The following FOXP2 variants were observed in gnomAD, a reference collection of about 807,000 sequenced individuals.
FOXP2 encodes forkhead box protein P2.
In FOXP2, 12 loss-of-function variants were observed where a neutral mutation model predicts 115.8. The ratio of observed to expected loss-of-function variants is 0.10; its 90% confidence interval spans 0.07 to 0.17. FOXP2 has a LOEUF of 0.17. FOXP2 is among the 10% of genes least tolerant of loss of function. The probability of loss-of-function intolerance (pLI) is 1.00; values close to 1 mark genes in which losing one functional copy is unlikely to be tolerated. For synonymous variants in FOXP2, 328 were observed against 297.7 expected (o/e 1.10, Z -1.05); for missense variants, 629 against 843.5 (o/e 0.75, Z 3.15).
intron 3 of FOXP2, among the ~76,000 whole-genome samples, chr7:114,591,741 C>A (rs1208952950): frequency 1.3e-5 from 2 of 152,068 alleles, no homozygotes; most frequent in African/African-American, 2.4e-5. Context: ...CAGGGTTACA[C>A]CTTGTTTGCT....
At chr7:114,405,545 C>T (rs1324571729) in intron 2 of FOXP2, among the ~76,000 whole-genome samples, 1 of 151,678 alleles carries the variant, frequency 6.6e-6, no homozygotes. Context: ...GGCTAGTAGG[C>T]AAGTAAAAGG....
chr7:114,255,685 A>G (rs6972132), intron 1 of FOXP2, among the ~76,000 whole-genome samples: 11,396 of 152,176 alleles, frequency 0.075, 1,029 homozygotes, highest in African/African-American at 0.21. Flanking sequence ...TCCAGGTGCC[A>G]TCTGTCACAG....
At chr7:114,640,550 G>T (rs1358038810) in intron 6 of FOXP2, among the ~76,000 whole-genome samples, 1 of 152,128 alleles carries the variant, frequency 6.6e-6, no homozygotes, top group Admixed American at 6.6e-5. Flanking sequence ...TTGGCTACTG[G>T]CCAATACTTA....
intron 3 of FOXP2, among the ~76,000 whole-genome samples, chr7:114,537,742 T>G (rs1320230908): frequency 2.6e-5 from 4 of 151,726 alleles, no homozygotes; most frequent in Non-Finnish European, 4.4e-5. Flanking sequence ...GATTTCACTT[T>G]CATGTATAGA....
chr7:114,317,126 T>C (rs6971601), intron 2 of FOXP2, among the ~76,000 whole-genome samples: 6,889 of 152,240 alleles, frequency 0.045, 470 homozygotes, highest in African/African-American at 0.15. Context: ...GTTGTTTTGT[T>C]ACTCCCTCCA....
intron 6 of FOXP2, among the ~76,000 whole-genome samples, chr7:114,637,349 G>A (rs967327635): frequency 5.9e-5 from 9 of 152,100 alleles, no homozygotes; most frequent in African/African-American, 1.2e-4. Context: ...TTGTGGCCAC[G>A]GAATTTTAAA....
chr7:114,663,653 A>G (rs1807008208), intron 15 of FOXP2, 134 bp downstream of exon 15: 1 of 720,058 alleles, frequency 1.4e-6, no homozygotes, highest in Non-Finnish European at 2.4e-6. Context: ...AGTACCTAGT[A>G]CTATAGACAG....
rs1463754793 is a variant in FOXP2, at chr7:114,438,787, GC to G, written c.168+12111del. Among the ~76,000 whole-genome samples the G allele has an allele frequency of 3.9e-5, 6 of 152,036 alleles. No homozygotes were observed. In the East Asian group the frequency reaches 9.6e-4, roughly 24 times the overall value. On this transcript the variant is annotated intron_variant, in intron 2 of 16. Transcript: ENST00000350908. ...TCCATAGTTAATCCATATTCCTAAT[GC>G]CCTTCTATTTTGATTTCAGATGCCC... is the stretch of plus-strand genomic sequence containing the variant.
chr7:114,099,576 C>G (rs542819239), intron 1 of FOXP2, among the ~76,000 whole-genome samples: 20 of 152,280 alleles, frequency 1.3e-4, no homozygotes, highest in Non-Finnish European at 1.2e-4. Flanking sequence ...CTCACATGCT[C>G]ATTACAGTAT....
At chr7:114,234,361 A>G (rs1353574255) in intron 1 of FOXP2, among the ~76,000 whole-genome samples, 1 of 152,212 alleles carries the variant, frequency 6.6e-6, no homozygotes, top group African/African-American at 2.4e-5. Flanking sequence ...GTGATCAAGA[A>G]TGTGACTTTC....
intron 2 of FOXP2, among the ~76,000 whole-genome samples, chr7:114,324,002 A>G (rs113986812): frequency 2.0e-5 from 3 of 151,958 alleles, no homozygotes; most frequent in Non-Finnish European, 3.0e-5. Context: ...TTTGGAACTA[A>G]GATTCTTTCT....
intron 2 of FOXP2, among the ~76,000 whole-genome samples, chr7:114,382,111 C>T (rs1396946165): frequency 6.6e-6 from 1 of 152,168 alleles, no homozygotes; most frequent in Non-Finnish European, 1.5e-5. Context: ...TAAAGTTCCC[C>T]AGTCACAACT....
chr7:114,274,584 G>T (rs1171881948), intron 1 of FOXP2, among the ~76,000 whole-genome samples: 1 of 111,474 alleles, frequency 9.0e-6, no homozygotes, highest in African/African-American at 3.1e-5. Flanking sequence ...ATTCTGGATT[G>T]GTTTTTTCCC....
chr7:114,207,229 GT>G (rs926985376), intron 1 of FOXP2, among the ~76,000 whole-genome samples: 2 of 152,092 alleles, frequency 1.3e-5, no homozygotes, highest in African/African-American at 4.8e-5. Flanking sequence ...CATTTAGGTT[GT>G]TTCCACTTTT....
intron 16 of FOXP2, among the ~76,000 whole-genome samples, chr7:114,688,003 T>C (rs74623374): frequency 0.013 from 1,919 of 152,026 alleles, 20 homozygotes; most frequent in African/African-American, 0.035. Context: ...TACATACATA[T>C]ACATAGACCA....
At chr7:114,507,075 T>C (rs1261129919) in intron 2 of FOXP2, among the ~76,000 whole-genome samples, 1 of 151,862 alleles carries the variant, frequency 6.6e-6, no homozygotes, top group Admixed American at 6.6e-5. Flanking sequence ...TAAATACTGT[T>C]GATGTTTAAA....
chr7:114,180,808 C>T (rs966326930), intron 1 of FOXP2, among the ~76,000 whole-genome samples: 3 of 151,942 alleles, frequency 2.0e-5, no homozygotes, highest in Non-Finnish European at 4.4e-5. Flanking sequence ...CTGATGCTAT[C>T]CTAGTCTAAA....
chr7:114,357,972 A>G (rs1293245381), intron 2 of FOXP2, among the ~76,000 whole-genome samples: 2 of 152,140 alleles, frequency 1.3e-5, no homozygotes, highest in Non-Finnish European at 2.9e-5. Context: ...TGTTTTTGAT[A>G]AAGAGTATCA....
rs112328280 is a variant in FOXP2 at position 114,390,424 on chromosome 7, G to T, written c.-10-36078G>T. 7.6e-3 allele frequency among the ~76,000 whole-genome samples: 1,159 copies of T among 152,020 alleles called. 19 individuals are homozygous for T. The highest frequency in any genetic ancestry group is 0.026 in the African/African-American group (1,098 of 41,442). On this transcript the variant is annotated intron_variant, in intron 2 of 17. Transcript: ENST00000634411. ...ATTAATTCAGATTATCAAAAAGTTG[G>T]ACTTCACCATTTGTTATATTATATA...
Sources: allele counts gnomAD v4.1 joint callset (sites outside exome capture counted in the v4.1 genomes callset), GRCh38; gene constraint gnomAD v4.1.1; transcripts MANE v1.5; gene names NCBI Gene and HGNC (gene_info 2026-07-23, HGNC 2026-07-21).